BNIPL: variants seen among roughly 807,000 people sequenced by gnomAD.
BNIPL encodes bcl-2/adenovirus E1B 19 kDa-interacting protein 2-like protein.
In BNIPL, 33 loss-of-function variants were observed where a neutral mutation model predicts 47.0. That is an observed-to-expected ratio of 0.70 (90% CI 0.53 to 0.94). The LOEUF is 0.94. Among genes scored for constraint, BNIPL ranks in the 40% least tolerant of loss-of-function variants. BNIPL has a pLI of 0.00. For missense variants in BNIPL, 404 were observed against 445.2 expected (o/e 0.91, Z 0.83); for synonymous variants, 145 against 162.7 (o/e 0.89, Z 0.83).
intron 3 of BNIPL, 99 bp from the exon 4 acceptor site, chr1:151,038,697 A>T (rs1675713270): frequency 1.9e-6 from 3 of 1,561,676 alleles, no homozygotes; most frequent in African/African-American, 1.4e-5. Flanking sequence ...CTTCTTCAGC[A>T]TTCACCCCAT....
At chr1:151,037,083 A>G (rs971499171) in intron 1 of BNIPL, among the ~76,000 whole-genome samples, 3 of 152,218 alleles carry the variant, frequency 2.0e-5, no homozygotes, top group African/African-American at 7.2e-5. Context: ...AGGAAAGCTG[A>G]ACCAGAACCG....
rs1345599893 is a variant in BNIPL, at chr1:151,038,981, T to G, written c.388T>G (p.Ser130Ala). The G allele has an allele frequency of 6.2e-7, 1 of 1,610,088 alleles. No homozygotes were observed. The highest frequency in any genetic ancestry group is 8.5e-7 in the Non-Finnish European group (1 of 1,178,206). The change falls in exon 4 of 10, where the codon TCA becomes GCA. Residue 130 changes from serine (S) to alanine (A), a missense_variant. Coordinates refer to ENST00000368931, the MANE Select transcript of BNIPL (RefSeq NM_138278.4). Reference protein sequence around the residue: ...DLEIDELETPSDSEQLDSGHE... With the variant: ...DLEIDELETPADSEQLDSGHE... ...GGAGATAGACGAATTGGAGACACCTTCAGACTCGGAGCAGCTGGACAGTGG... is the reference window on the plus strand; with the variant it reads ...GGAGATAGACGAATTGGAGACACCTGCAGACTCGGAGCAGCTGGACAGTGG...
At position 151,037,555 on chromosome 1, in the gene BNIPL, G is replaced by A; in HGVS notation, c.42-12G>A. On this transcript the variant is annotated splice_polypyrimidine_tract_variant and intron_variant, in intron 1 of 9. Transcript: ENST00000368931. ...AGTTCCCTTGATCTTTTCTTCTTGGGGGCTGTCTTAGGGTCAGGGAGATTG... is the reference window on the plus strand; with the variant it reads ...AGTTCCCTTGATCTTTTCTTCTTGGAGGCTGTCTTAGGGTCAGGGAGATTG... The A allele has an allele frequency of 6.3e-7, 1 of 1,595,074 alleles. No homozygotes were observed. The highest frequency in any genetic ancestry group is 8.5e-7 in the Non-Finnish European group (1 of 1,170,488).
intron 7 of BNIPL, chr1:151,045,030 C>G (rs587701632): frequency 1.8e-6 from 2 of 1,101,782 alleles, no homozygotes; most frequent in Admixed American, 2.9e-5. Context: ...TTTGGAAGGC[C>G]GAGGTGGGCG....
intron 6 of BNIPL, 49 bp from the exon 7 acceptor site, chr1:151,043,547 C>T (rs1454108525): frequency 6.3e-6 from 10 of 1,579,596 alleles, no homozygotes; most frequent in Non-Finnish European, 7.8e-6. Context: ...GTTCCTCTCA[C>T]TCTCTGAAGC....
chr1:151,046,036 A>T lies in BNIPL; in HGVS notation c.939-31A>T, dbSNP rs758975334. ...TTTTTGGGAACCCTTCTCCCAATACAAAACACAGTTGATTTATTCTCTCTT... is the reference window on the plus strand; with the variant it reads ...TTTTTGGGAACCCTTCTCCCAATACTAAACACAGTTGATTTATTCTCTCTT... On this transcript the variant is annotated intron_variant, in intron 8 of 9. Coordinates refer to ENST00000368931, the MANE Select transcript of BNIPL (RefSeq NM_138278.4). 5.0e-6 allele frequency: 8 copies of T among 1,614,064 alleles called. No individual in the cohort carries two copies. The Admixed American group carries it at 1.3e-4, about 27-fold the overall frequency.
At chr1:151,044,658 T>G (rs1392880951) in intron 7 of BNIPL, among the ~76,000 whole-genome samples, 6 of 152,118 alleles carry the variant, frequency 3.9e-5, no homozygotes, top group Admixed American at 6.5e-5. Flanking sequence ...TTTTGCCATG[T>G]TTCTCAGGCC....
rs1675730776 is a variant in BNIPL, at chr1:151,039,034, A to G, written c.433+8A>G. 3 of 1,565,524 alleles carry G rather than the reference A, an allele frequency of 1.9e-6. No homozygotes were observed. The highest frequency in any genetic ancestry group is 2.6e-6 in the Non-Finnish European group (3 of 1,155,714). ...ATGAATTTGAATGGGAAGGTGGGAAACAAACCAGAGGACTCAGCTGGTAGA... is the reference window on the plus strand; with the variant it reads ...ATGAATTTGAATGGGAAGGTGGGAAGCAAACCAGAGGACTCAGCTGGTAGA... On this transcript the variant is annotated splice_region_variant and intron_variant, in intron 4 of 9. Coordinates refer to ENST00000368931, the MANE Select transcript of BNIPL (RefSeq NM_138278.4).
At position 151,047,696 on chromosome 1, in the gene BNIPL, CGCGCGAGCGCGCCT is replaced by C. The variant is rs1676079466; in HGVS notation, c.*1015_*1028del. The C allele has an allele frequency of 1.5e-6, 2 of 1,332,438 alleles. No individual in the cohort carries two copies. The highest frequency in any genetic ancestry group is 2.0e-6 in the Non-Finnish European group (2 of 1,019,112). The allele number at this position is 1,332,438 out of a possible 1,614,324, so 82.5% of individuals were successfully genotyped here. On this transcript the variant is annotated 3_prime_UTR_variant, in exon 10 of 10. Coordinates refer to ENST00000368931, the MANE Select transcript of BNIPL (RefSeq NM_138278.4). The stretch of plus-strand genomic sequence containing the variant: ...TTCCTTAGGAGCACCCCGCGCGGCC[CGCGCGAGCGCGCCT>C]GCGCGTCGAACCCCACCCCCTTCCC...
chr1:151,046,412 G>A (rs1365389938), intron 9 of BNIPL, among the ~76,000 whole-genome samples: 1 of 151,790 alleles, frequency 6.6e-6, no homozygotes, highest in Non-Finnish European at 1.5e-5. Flanking sequence ...AAGGAATAAA[G>A]GAATAATCAC....
At chr1:151,037,122 A>G (rs927054459) in intron 1 of BNIPL, among the ~76,000 whole-genome samples, 13 of 152,254 alleles carry the variant, frequency 8.5e-5, no homozygotes, top group Admixed American at 2.6e-4. Flanking sequence ...CGTTCTGGCA[A>G]ATCTTTCTCC....
chr1:151,046,733 A>G lies in BNIPL; in HGVS notation c.*46A>G. On this transcript the variant is annotated 3_prime_UTR_variant, in exon 10 of 10. Transcript: ENST00000368931. ...CTTAGAACCAGTTAGTGATCTGCCT[A>G]CACCTGAATCCCTGAAACATCTGAA... The G allele has an allele frequency of 1.4e-6, 2 of 1,469,304 alleles. No individual in the cohort carries two copies. Among genetic ancestry groups the G allele is most frequent in the East Asian group, 2.3e-5 (1 of 43,124 alleles). 91.0% of individuals were successfully genotyped at this position (1,469,304 alleles called of 1,614,324 possible).
chr1:151,045,890 G>A lies in BNIPL; in HGVS notation c.938+7G>A. ...TGCTTCGGCCCTTCATCAGGTACTA[G>A]TTCTAGGAACAAGGACTCCTTTCTC... On this transcript the variant is annotated splice_region_variant and intron_variant, in intron 8 of 9. Coordinates refer to ENST00000368931, the MANE Select transcript of BNIPL (RefSeq NM_138278.4). The A allele has an allele frequency of 6.2e-7, 1 of 1,614,130 alleles. No individual in the cohort carries two copies. Among genetic ancestry groups the A allele is most frequent in the Non-Finnish European group, 8.5e-7 (1 of 1,180,030 alleles).
At chr1:151,039,524 C>T (rs895040362) in intron 4 of BNIPL, among the ~76,000 whole-genome samples, 1 of 152,012 alleles carries the variant, frequency 6.6e-6, no homozygotes, top group Admixed American at 6.6e-5. Flanking sequence ...GGAGAGAGGG[C>T]ATTCTAAGGA....
At chr1:151,041,450 C>T (rs926068886) in intron 4 of BNIPL, among the ~76,000 whole-genome samples, 1 of 152,070 alleles carries the variant, frequency 6.6e-6, no homozygotes, top group African/African-American at 2.4e-5. Flanking sequence ...AGTTTTCTCA[C>T]TAGCCAGGCA....
chr1:151,038,385 TAAAAAA>T, intron 2 of BNIPL, 113 bp from the exon 3 acceptor site: 1 of 701,622 alleles, frequency 1.4e-6, no homozygotes, highest in Non-Finnish European at 2.4e-6. Context: ...AAAAAACAAT[TAAAAAA>T]AAAAGCAGCA....
rs1332766004 is a variant in BNIPL at position 151,043,109 on chromosome 1, A to G, written c.587A>G (p.Glu196Gly). The G allele has an allele frequency of 6.2e-7, 1 of 1,613,380 alleles. No individual in the cohort carries two copies. The highest frequency in any genetic ancestry group is 1.1e-5 in the South Asian group (1 of 90,952). ...REQRVDMTVIEPYKKVLSHGG... is the reference protein window; with the variant it reads ...REQRVDMTVIGPYKKVLSHGG... ...CAGCGCGTAGACATGACTGTCATTGAGCCCTATAAGAAAGTCCTGTCTCAT... is the reference window on the plus strand; with the variant it reads ...CAGCGCGTAGACATGACTGTCATTGGGCCCTATAAGAAAGTCCTGTCTCAT... The change falls in exon 5 of 10, where the codon GAG (glutamate) becomes GGG (glycine). Residue 196 changes from glutamate to glycine, a missense_variant. Coordinates refer to ENST00000368931, the MANE Select transcript of BNIPL (RefSeq NM_138278.4).
rs1184749273 is a variant in BNIPL at position 151,036,698 on chromosome 1, A to G, written c.-28A>G. 10 of 1,597,728 alleles carry G rather than the reference A, an allele frequency of 6.3e-6. No homozygotes were observed. The highest frequency in any genetic ancestry group is 8.6e-6 in the Non-Finnish European group (10 of 1,165,404). On this transcript the variant is annotated 5_prime_UTR_variant, in exon 1 of 10. Coordinates refer to ENST00000368931, the MANE Select transcript of BNIPL (RefSeq NM_138278.4). Reference sequence around the variant, plus strand: ...GCTCCCCAACAACTCCTAGGTGTTTAAAGAAGGAGGCAGGAAGACTTGTGA... The same window carrying G: ...GCTCCCCAACAACTCCTAGGTGTTTGAAGAAGGAGGCAGGAAGACTTGTGA...
rs1676076252 is a variant in BNIPL at position 151,047,560 on chromosome 1, G to C, written c.*873G>C. ...CTTTAGTAAATTTAGAACTGTAGAG[G>C]CTAATAAACTGCGATGAGACATTTA... is the stretch of plus-strand genomic sequence containing the variant. On this transcript the variant is annotated 3_prime_UTR_variant, in exon 10 of 10. Coordinates refer to ENST00000368931, the MANE Select transcript of BNIPL (RefSeq NM_138278.4). 2 of 463,802 alleles carry C rather than the reference G, an allele frequency of 4.3e-6. No homozygotes were observed. The highest frequency in any genetic ancestry group is 7.6e-6 in the Non-Finnish European group (2 of 264,106). The allele number at this position is 463,802 out of a possible 1,614,324, so 28.7% of individuals were successfully genotyped here. A position where few individuals can be genotyped will look rare whatever the true frequency, so the allele number is the denominator to read the frequency against.
Sources: allele counts gnomAD v4.1 joint callset (sites outside exome capture counted in the v4.1 genomes callset), GRCh38; gene constraint gnomAD v4.1.1; transcripts MANE v1.5; gene names NCBI Gene and HGNC (gene_info 2026-07-23, HGNC 2026-07-21).